Variants in ANO10 observed in about 807,000 individuals in gnomAD.
ANO10 encodes the protein anoctamin 10.
ANO10 carries 77 observed loss-of-function variants against 74.7 expected under a neutral mutation model. The ratio of observed to expected loss-of-function variants is 1.03; its 90% CI spans 0.86 to 1.25. ANO10 has a LOEUF of 1.25. Ranked by LOEUF, ANO10 falls within the 50% of genes most tolerant of loss-of-function variation. The pLI, the probability that ANO10 is intolerant of heterozygous loss-of-function variation, is 0.00. For synonymous variants in ANO10, 279 were observed against 284.9 expected, an observed-to-expected ratio of 0.98 and a Z score of 0.21; for missense variants, 721 against 778.1, an observed-to-expected ratio of 0.93 and a Z score of 0.87.
intron 11 of ANO10, among the ~76,000 whole-genome samples, chr3:43,448,842 T>G (rs532477398): frequency 6.6e-6 from 1 of 151,676 alleles, no homozygotes; most frequent in Non-Finnish European, 1.5e-5. Flanking sequence ...TGTTTGTTTA[T>G]GGATTGTTTT....
At position 43,615,417 on chromosome 3, in the gene ANO10, C is replaced by T. The variant is rs564401079; in HGVS notation, c.-12+6492G>A. 9.9e-5 allele frequency among the ~76,000 whole-genome samples: 15 copies of T among 152,144 alleles called. No homozygotes were observed. The East Asian group carries it at 2.9e-3, about 29-fold the overall frequency. On this transcript the variant is annotated intron_variant, in intron 1 of 12. Transcript: ENST00000292246. ...TGAATAAAAGCTGCATCAATGGCTA[C>T]TCAGATATATTTCTCCAAGTTGTTC...
chr3:43,674,329 T>G lies in ANO10; in HGVS notation c.-12+17188A>C, dbSNP rs576788144. 4.8e-4 allele frequency among the ~76,000 whole-genome samples: 73 copies of G among 152,250 alleles called. 1 individual carries two copies. Among genetic ancestry groups the G allele is most frequent in the African/African-American group, 1.7e-3 (70 of 41,532 alleles). ...TAATTGTTTACTTATTTTTATTTTTTCGTAGAGATGAGGTCTCACTATGTT... is the reference window on the plus strand; with the variant it reads ...TAATTGTTTACTTATTTTTATTTTTGCGTAGAGATGAGGTCTCACTATGTT... On this transcript the variant is annotated intron_variant, in intron 1 of 3. Coordinates refer to the ANO10 transcript ENST00000413397.
intron 12 of ANO10, among the ~76,000 whole-genome samples, chr3:43,409,459 G>A (rs1229904661): frequency 2.0e-5 from 3 of 151,880 alleles, no homozygotes; most frequent in South Asian, 2.1e-4. Flanking sequence ...TGCTAGGATC[G>A]CTTGAGCCTG....
chr3:43,599,985 T>C (rs958034084), intron 3 of ANO10, among the ~76,000 whole-genome samples: 3 of 152,234 alleles, frequency 2.0e-5, no homozygotes, highest in Non-Finnish European at 4.4e-5. Flanking sequence ...ATCATTCTGC[T>C]TTCAAAAAAA....
intron 11 of ANO10, among the ~76,000 whole-genome samples, chr3:43,526,247 A>G (rs1441839369): frequency 6.6e-6 from 1 of 152,220 alleles, no homozygotes; most frequent in Non-Finnish European, 1.5e-5. Context: ...TGCAGCCACC[A>G]AATCTTTAAA....
At chr3:43,648,420 G>A (rs187924137) in intron 1 of ANO10, among the ~76,000 whole-genome samples, 7 of 152,232 alleles carry the variant, frequency 4.6e-5, no homozygotes, top group Non-Finnish European at 7.4e-5. Flanking sequence ...GAAAGTAGAG[G>A]AATAAAATAA....
chr3:43,536,225 C>T (rs865816031), intron 11 of ANO10, among the ~76,000 whole-genome samples: 1 of 152,250 alleles, frequency 6.6e-6, no homozygotes, highest in Non-Finnish European at 1.5e-5. Flanking sequence ...GTACCAAATA[C>T]AAACTTTATA....
Position 43,525,816 on chromosome 3 carries a change from A to G in ANO10, c.1797+23904T>C, listed in dbSNP as rs554998635. On this transcript the variant is annotated intron_variant, in intron 11 of 12. Transcript: ENST00000292246. Reference sequence around the variant, plus strand: ...GTGAGTTTTCCTCCTTCTGTTTTCAATATCAAAATGCCTCAATTTATGAGA... The same window carrying G: ...GTGAGTTTTCCTCCTTCTGTTTTCAGTATCAAAATGCCTCAATTTATGAGA... 1.3e-4 allele frequency among the ~76,000 whole-genome samples: 20 copies of G among 152,250 alleles called. No individual in the cohort carries two copies. The South Asian group carries it at 2.3e-3, about 17-fold the overall frequency.
chr3:43,449,405 C>T (rs2074743809), intron 11 of ANO10, among the ~76,000 whole-genome samples: 1 of 151,802 alleles, frequency 6.6e-6, no homozygotes, highest in South Asian at 2.1e-4. Context: ...CCTAGAACAC[C>T]CAGATTTTCT....
intron 9 of ANO10, 130 bp downstream of exon 9, chr3:43,561,090 A>G: frequency 9.4e-7 from 1 of 1,061,494 alleles, no homozygotes; most frequent in South Asian, 1.3e-5. Flanking sequence ...GTTCATGATG[A>G]GGAAACTGAC....
At chr3:43,598,845 A>G (rs1164940889) in intron 3 of ANO10, among the ~76,000 whole-genome samples, 179 bp from the exon 4 acceptor site, 4 of 152,230 alleles carry the variant, frequency 2.6e-5, no homozygotes, top group Non-Finnish European at 4.4e-5. Context: ...TAAGAATAAA[A>G]AAATTCTGTT....
intron 4 of ANO10, among the ~76,000 whole-genome samples, chr3:43,585,492 T>C (rs2081437774): frequency 6.6e-6 from 1 of 152,218 alleles, no homozygotes; most frequent in Admixed American, 6.5e-5. Flanking sequence ...TTGAAGGTTT[T>C]CATTCATCTT....
chr3:43,506,701 C>T (rs2149166879), intron 11 of ANO10, among the ~76,000 whole-genome samples: 1 of 152,264 alleles, frequency 6.6e-6, no homozygotes, highest in East Asian at 1.9e-4. Context: ...CTTCTGCCTG[C>T]ACTGCTCTTC....
At chr3:43,442,324 TCAG>T (rs1296527784) in intron 11 of ANO10, among the ~76,000 whole-genome samples, 2 of 152,010 alleles carry the variant, frequency 1.3e-5, no homozygotes, top group African/African-American at 2.4e-5. Context: ...ATAAATGAAC[TCAG>T]CAGAATTGTA....
At chr3:43,614,801 A>ATG (rs1370261292) in intron 1 of ANO10, among the ~76,000 whole-genome samples, 1,447 of 99,372 alleles carry the variant, frequency 0.015, 161 homozygotes, top group African/African-American at 0.015. Context: ...ATATATATAT[A>ATG]TAGGTTCATT....
intron 6 of ANO10, 80 bp downstream of exon 6, chr3:43,576,612 T>C: frequency 1.4e-6 from 2 of 1,440,368 alleles, no homozygotes; most frequent in Admixed American, 3.4e-5. Context: ...CTCTGCAAGG[T>C]AGCAGCTATG....
rs190021444 is a variant in ANO10, at chr3:43,438,684, T to C, written c.1798-5957A>G. Among the ~76,000 whole-genome samples the C allele has an allele frequency of 5.3e-5, 8 of 149,894 alleles. No individual in the cohort carries two copies. The East Asian group carries it at 1.6e-3, about 29-fold the overall frequency. On this transcript the variant is annotated intron_variant, in intron 11 of 12. Transcript: ENST00000292246. Reference sequence around the variant, plus strand: ...ATTGCTTGAATCCAGGAGGCAAAGGTTGCAGTGAGCCGAGATGGTGCCACT... The same window carrying C: ...ATTGCTTGAATCCAGGAGGCAAAGGCTGCAGTGAGCCGAGATGGTGCCACT...
chr3:43,683,855 G>T (rs1193344209), intron 1 of ANO10, among the ~76,000 whole-genome samples: 1 of 152,124 alleles, frequency 6.6e-6, no homozygotes, highest in African/African-American at 2.4e-5. Flanking sequence ...AAAAAATGGT[G>T]CTGGGAAAAC....
chr3:43,464,893 A>G (rs2075549418), intron 11 of ANO10, among the ~76,000 whole-genome samples: 1 of 152,222 alleles, frequency 6.6e-6, no homozygotes, highest in Non-Finnish European at 1.5e-5. Flanking sequence ...AGTCACTAAC[A>G]TCATACTTAA....
Sources: gnomAD v4.1 joint callset for allele counts (sites outside exome capture counted in the v4.1 genomes callset) on GRCh38, gnomAD v4.1.1 for gene constraint, MANE v1.5 for transcripts, NCBI Gene and HGNC (gene_info 2026-07-23, HGNC 2026-07-21) for gene names.